PNPLA3: variants seen among roughly 807,000 people sequenced by gnomAD.
PNPLA3 encodes 1-acylglycerol-3-phosphate O-acyltransferase PNPLA3.
In PNPLA3, 42 loss-of-function variants were observed where a neutral mutation model predicts 43.1. The ratio of observed to expected loss-of-function variants is 0.97; its 90% CI spans 0.76 to 1.26. The LOEUF (loss-of-function observed/expected upper bound fraction) is 1.26. Among genes scored for constraint, PNPLA3 ranks in the 50% most tolerant of loss-of-function variants. The probability of loss-of-function intolerance (pLI) is 0.00; values close to 1 mark genes in which losing one functional copy is unlikely to be tolerated. For missense variants in PNPLA3, 647 were observed against 621.4 expected, an observed-to-expected ratio of 1.04 and a Z score of -0.44; for synonymous variants, 272 against 253.6, an observed-to-expected ratio of 1.07 and a Z score of -0.69.
intron 4 of PNPLA3, among the ~76,000 whole-genome samples, chr22:43,934,329 A>G (rs2049980876): frequency 6.6e-6 from 1 of 151,434 alleles, no homozygotes; most frequent in African/African-American, 2.4e-5. Flanking sequence ...AAAAAAAAAA[A>G]AAAAAAAGAA....
intron 5 of PNPLA3, among the ~76,000 whole-genome samples, chr22:43,936,566 C>T (rs1174279664): frequency 6.6e-6 from 1 of 152,196 alleles, no homozygotes; most frequent in Non-Finnish European, 1.5e-5. Flanking sequence ...AAGTGAGTAC[C>T]CTCTTCGACA....
At position 43,947,137 on chromosome 22, in the gene PNPLA3, TCAC is replaced by T. The variant is rs1353872334; in HGVS notation, c.*757_*759del. Reference sequence around the variant, plus strand: ...ACTTTGGGAGGCCAAGGTTGGCAGATCACCTGAGGTCAGGAGTTCAAGACCAGT... The same window carrying T: ...ACTTTGGGAGGCCAAGGTTGGCAGATCTGAGGTCAGGAGTTCAAGACCAGT... On this transcript the variant is annotated 3_prime_UTR_variant, in exon 9 of 9. Coordinates refer to ENST00000216180, the MANE Select transcript of PNPLA3 (RefSeq NM_025225.3). 5.3e-6 allele frequency: 1 copy of T among 189,276 alleles called. No homozygotes were observed. Among genetic ancestry groups the T allele is most frequent in the Non-Finnish European group, 1.1e-5 (1 of 91,382 alleles). 11.7% of individuals were successfully genotyped at this position (189,276 alleles called of 1,614,324 possible).
At chr22:43,927,504 AG>A (rs1052080832) in intron 2 of PNPLA3, among the ~76,000 whole-genome samples, 10 of 134,940 alleles carry the variant, frequency 7.4e-5, no homozygotes, top group East Asian at 2.6e-4. Context: ...AAAAAAAAAA[AG>A]AAAGACTGTT....
chr22:43,945,307 G>T (rs2050055973), intron 8 of PNPLA3, among the ~76,000 whole-genome samples: 1 of 152,190 alleles, frequency 6.6e-6, no homozygotes, highest in African/African-American at 2.4e-5. Context: ...TCTCCGGGGT[G>T]AAGCCTAGCA....
At chr22:43,942,129 A>G (rs1395692918) in intron 7 of PNPLA3, among the ~76,000 whole-genome samples, 1 of 152,138 alleles carries the variant, frequency 6.6e-6, no homozygotes, top group Non-Finnish European at 1.5e-5. Context: ...GATCATTGGG[A>G]AGTTCTGGTC....
intron 4 of PNPLA3, among the ~76,000 whole-genome samples, chr22:43,934,333 A>AG (rs1208654995): frequency 1.3e-5 from 2 of 149,070 alleles, no homozygotes; most frequent in Non-Finnish European, 3.0e-5. Flanking sequence ...AAAAAAAAAA[A>AG]AAAGAAAAGT....
At chr22:43,933,755 G>A (rs993153670) in intron 4 of PNPLA3, among the ~76,000 whole-genome samples, 1 of 152,172 alleles carries the variant, frequency 6.6e-6, no homozygotes, top group Non-Finnish European at 1.5e-5. Context: ...GGTGGTTTTA[G>A]TATGCCTTAC....
In PNPLA3 at chr22:43,923,900, G is replaced by C. The variant is rs1439436748; in HGVS notation, c.-12G>C. 2.7e-6 allele frequency: 4 copies of C among 1,469,484 alleles called. No individual in the cohort carries two copies. The highest frequency in any genetic ancestry group is 2.3e-5 in the Admixed American group (1 of 43,742). The allele number at this position is 1,469,484 out of a possible 1,614,324, so 91.0% of individuals were successfully genotyped here. On this transcript the variant is annotated 5_prime_UTR_variant, in exon 1 of 9. Transcript: ENST00000216180. ...AGATCCTAACCCGCGCCCCCGCCCC[G>C]CCGCCGCCGCCATGTACGACGCAGA... is the stretch of plus-strand genomic sequence containing the variant.
chr22:43,924,886 G>T (rs1477271863), intron 1 of PNPLA3, among the ~76,000 whole-genome samples: 1 of 152,082 alleles, frequency 6.6e-6, no homozygotes, highest in Admixed American at 6.6e-5. Flanking sequence ...CTGACCTCGT[G>T]ATCTGCCCAC....
chr22:43,935,445 G>A (rs1569013144), intron 5 of PNPLA3, among the ~76,000 whole-genome samples: 1 of 152,104 alleles, frequency 6.6e-6, no homozygotes, highest in Non-Finnish European at 1.5e-5. Flanking sequence ...GGAAAGTACA[G>A]GTGCCAATGA....
chr22:43,942,933 C>G (rs1285169165), intron 7 of PNPLA3, among the ~76,000 whole-genome samples: 3 of 152,020 alleles, frequency 2.0e-5, no homozygotes, highest in African/African-American at 7.2e-5. Context: ...CTTCCTCTTC[C>G]TGGGGCTCTT....
chr22:43,929,873 A>C (rs936995689), intron 3 of PNPLA3, among the ~76,000 whole-genome samples: 1 of 152,186 alleles, frequency 6.6e-6, no homozygotes, highest in African/African-American at 2.4e-5. Flanking sequence ...CTGAGATTAC[A>C]GGCGTGAGCC....
At chr22:43,925,734 C>T (rs1211233033) in intron 1 of PNPLA3, among the ~76,000 whole-genome samples, 2 of 152,122 alleles carry the variant, frequency 1.3e-5, no homozygotes, top group East Asian at 1.9e-4. Context: ...AGGATTAGAC[C>T]GCCACATGAT....
At chr22:43,933,395 G>A (rs2294433) in intron 4 of PNPLA3, among the ~76,000 whole-genome samples, 28,037 of 151,660 alleles carry the variant, frequency 0.18, 3,156 homozygotes, top group East Asian at 0.39. Flanking sequence ...TTTTTTTTTG[G>A]TTTGTTTTTG....
At chr22:43,924,965 C>T (rs548411666) in intron 1 of PNPLA3, among the ~76,000 whole-genome samples, 1 of 152,198 alleles carries the variant, frequency 6.6e-6, no homozygotes, top group African/African-American at 2.4e-5. Context: ...CTCTCTGGGT[C>T]GCAGCCCAGC....
At chr22:43,934,812 A>T (rs1268232210) in intron 5 of PNPLA3, 146 bp downstream of exon 5, 11 of 760,596 alleles carry the variant, frequency 1.4e-5, no homozygotes, top group Non-Finnish European at 2.4e-5. Context: ...AGCCCAGGAG[A>T]TAGGAAATCT....
chr22:43,933,030 C>T lies in PNPLA3; in HGVS notation c.639C>T (p.Arg213=). Residue 213 remains arginine, a synonymous_variant, in exon 4 of 9, where the codon CGC becomes CGT. Transcript: ENST00000216180. ...TGGACATCACCAAGCTCAGTCTACG[C>T]CTCTGCACAGGGAACCTCTACCTTC... The part of the protein sequence containing the change: ...LHVDITKLSL[R]LCTGNLYLLS... 1 of 1,614,182 alleles carries T rather than the reference C, an allele frequency of 6.2e-7. No homozygotes were observed. The highest frequency in any genetic ancestry group is 1.1e-5 in the South Asian group (1 of 91,080).
At chr22:43,924,154 G>A (rs1298675189) in intron 1 of PNPLA3, 56 bp downstream of exon 1, 2 of 1,398,722 alleles carry the variant, frequency 1.4e-6, no homozygotes, top group African/African-American at 1.5e-5. Context: ...CCCCTAGGCC[G>A]GGGAGCGGGG....
intron 3 of PNPLA3, among the ~76,000 whole-genome samples, chr22:43,929,689 C>G (rs1033184197): frequency 6.7e-6 from 1 of 149,730 alleles, no homozygotes; most frequent in African/African-American, 2.5e-5. Context: ...CTCCACCTCA[C>G]AGGTTCAGGC....
Sources: gnomAD v4.1 joint callset for allele counts (sites outside exome capture counted in the v4.1 genomes callset) on GRCh38, gnomAD v4.1.1 for gene constraint, MANE v1.5 for transcripts, NCBI Gene and HGNC (gene_info 2026-07-23, HGNC 2026-07-21) for gene names.